Variants in SPATS2 observed in about 807,000 individuals in gnomAD.
SPATS2 encodes the protein spermatogenesis associated serine rich 2, also known as spermatogenesis-associated serine-rich protein 2.
Under a neutral mutation model 63.7 loss-of-function variants are expected in SPATS2, and 38 were observed. That is an observed-to-expected ratio of 0.60 (90% CI 0.46 to 0.78). SPATS2 has a LOEUF of 0.78. SPATS2 is among the 30% of genes least tolerant of loss of function. SPATS2 has a pLI of 0.00. For missense variants in SPATS2, 588 were observed against 666.2 expected (o/e 0.88, Z 1.29); for synonymous variants, 207 against 232.9 (o/e 0.89, Z 1.01).
chr12:49,467,625 C>G (rs571485661), intron 3 of SPATS2, among the ~76,000 whole-genome samples: 3 of 152,182 alleles, frequency 2.0e-5, no homozygotes, highest in Admixed American at 6.5e-5. Context: ...CTGTATCTGA[C>G]TATATATCAG....
intron 8 of SPATS2, 51 bp from the exon 9 acceptor site, chr12:49,500,019 C>T (rs899414062): frequency 7.6e-7 from 1 of 1,314,934 alleles, no homozygotes; most frequent in Non-Finnish European, 9.8e-7. Flanking sequence ...TTCAAGTTAC[C>T]TATATAATTA....
intron 9 of SPATS2, among the ~76,000 whole-genome samples, chr12:49,509,950 T>A (rs1044739486): frequency 2.6e-5 from 4 of 151,980 alleles, no homozygotes; most frequent in Non-Finnish European, 4.4e-5. Flanking sequence ...GGTTGGTTAG[T>A]GGAATTAGAA....
At chr12:49,468,763 C>T (rs920619395) in intron 3 of SPATS2, among the ~76,000 whole-genome samples, 2 of 152,150 alleles carry the variant, frequency 1.3e-5, no homozygotes, top group Non-Finnish European at 2.9e-5. Flanking sequence ...AGGTGTGAAC[C>T]GCCACACTGG....
At chr12:49,498,933 C>G (rs919814513) in intron 8 of SPATS2, among the ~76,000 whole-genome samples, 1 of 151,780 alleles carries the variant, frequency 6.6e-6, no homozygotes, top group African/African-American at 2.4e-5. Context: ...ATTACAGGTG[C>G]GTGCCACCAC....
In SPATS2 at chr12:49,522,750, G is replaced by T; in HGVS notation, c.1009-1G>T. On this transcript the variant is annotated splice_acceptor_variant, in intron 11 of 13. Transcript: ENST00000552918. LOFTEE classifies it high-confidence loss of function. ...GAGGCCTTTCTTTGTCCTTTCTCCA[G>T]CACTTTGTTAGTGAACGTAAATATG... 6.2e-7 allele frequency: 1 copy of T among 1,613,072 alleles called. No homozygotes were observed. Among genetic ancestry groups the T allele is most frequent in the East Asian group, 2.2e-5 (1 of 44,842 alleles).
At chr12:49,455,156 CCTT>C (rs1479525337) in intron 2 of SPATS2, among the ~76,000 whole-genome samples, 2 of 152,014 alleles carry the variant, frequency 1.3e-5, no homozygotes, top group African/African-American at 4.8e-5. Flanking sequence ...TATCTATTAT[CCTT>C]CTGGTCAGTT....
intron 9 of SPATS2, among the ~76,000 whole-genome samples, chr12:49,501,365 G>A (rs967565205): frequency 4.3e-4 from 66 of 152,216 alleles, no homozygotes; most frequent in African/African-American, 1.6e-3. Context: ...GAGCCAGAGA[G>A]GGCCAAACTC....
intron 2 of SPATS2, chr12:49,389,372 T>A (rs1358771110): frequency 1.9e-6 from 1 of 534,098 alleles, no homozygotes; most frequent in Non-Finnish European, 3.4e-6. Flanking sequence ...CTCCGTCTGG[T>A]TCAGCGTCTG....
chr12:49,518,215 G>A (rs1946881881), intron 10 of SPATS2, among the ~76,000 whole-genome samples: 2 of 152,198 alleles, frequency 1.3e-5, no homozygotes, highest in Non-Finnish European at 2.9e-5. Flanking sequence ...TGCTGGATGG[G>A]AAGGAATAGC....
At chr12:49,524,003 A>G (rs1176295680) in intron 12 of SPATS2, among the ~76,000 whole-genome samples, 3 of 152,174 alleles carry the variant, frequency 2.0e-5, no homozygotes, top group African/African-American at 7.2e-5. Context: ...TAAACTCATC[A>G]TTAATCCAGC....
chr12:49,413,375 T>C (rs1028446418), intron 2 of SPATS2, among the ~76,000 whole-genome samples: 1 of 152,052 alleles, frequency 6.6e-6, no homozygotes, highest in Non-Finnish European at 1.5e-5. Flanking sequence ...ACTGTAACTT[T>C]TTAATTTTAA....
At chr12:49,373,552 G>C (rs1433640466) in intron 2 of SPATS2, among the ~76,000 whole-genome samples, 3 of 152,098 alleles carry the variant, frequency 2.0e-5, no homozygotes. Flanking sequence ...AGCACTTTGA[G>C]AGTCCAAGGT....
intron 2 of SPATS2, among the ~76,000 whole-genome samples, chr12:49,448,258 C>T (rs1176231400): frequency 1.3e-5 from 2 of 151,302 alleles, no homozygotes; most frequent in African/African-American, 2.4e-5. Flanking sequence ...CTGCCTCAGC[C>T]TCCCGAGTAG....
chr12:49,516,187 ATATATATAT>A lies in SPATS2; in HGVS notation c.898+1575_898+1583del, dbSNP rs1565760890. ...AAAAAATATATATATATATATATAT[ATATATATAT>A]ATATATATATATAAATCAGGCATGG... On this transcript the variant is annotated intron_variant, in intron 10 of 13. Coordinates refer to ENST00000552918, the MANE Select transcript of SPATS2 (RefSeq NM_023071.4). Among the ~76,000 whole-genome samples the A allele has an allele frequency of 4.6e-4, 48 of 103,512 alleles. 5 individuals carry two copies. The highest frequency in any genetic ancestry group is 7.5e-4 in the African/African-American group (22 of 29,344). The allele number at this position is 103,512 out of a possible 152,430, so 67.9% of individuals were successfully genotyped here. A position where few individuals can be genotyped will look rare whatever the true frequency, so the allele number is the denominator to read the frequency against.
chr12:49,480,701 G>A (rs1946191833), intron 3 of SPATS2, among the ~76,000 whole-genome samples: 1 of 151,836 alleles, frequency 6.6e-6, no homozygotes, highest in Admixed American at 6.6e-5. Context: ...GAACCAACAT[G>A]TGGTTTTTAT....
chr12:49,372,185 C>T (rs1456057954), intron 2 of SPATS2, among the ~76,000 whole-genome samples: 2 of 152,110 alleles, frequency 1.3e-5, no homozygotes, highest in African/African-American at 4.8e-5. Flanking sequence ...GCTGAGACTA[C>T]AGGCATGCAC....
At chr12:49,469,582 T>C (rs749457135) in intron 3 of SPATS2, 2 of 275,872 alleles carry the variant, frequency 7.2e-6, no homozygotes, top group Non-Finnish European at 1.4e-5. Flanking sequence ...CAAAGTAAAA[T>C]AAAACTTTTC....
intron 2 of SPATS2, among the ~76,000 whole-genome samples, chr12:49,391,193 G>T (rs1944411821): frequency 6.6e-6 from 1 of 152,184 alleles, no homozygotes; most frequent in Admixed American, 6.5e-5. Flanking sequence ...TGTGGATTTA[G>T]AAGTATTTGT....
At chr12:49,413,781 TAAAC>T (rs56908467) in intron 2 of SPATS2, among the ~76,000 whole-genome samples, 21,925 of 151,936 alleles carry the variant, frequency 0.14, 2,059 homozygotes, top group African/African-American at 0.27. Context: ...ACCTGTGAAC[TAAAC>T]AGACAGGGCA....
Sources: gnomAD v4.1 joint callset for allele counts (sites outside exome capture counted in the v4.1 genomes callset) on GRCh38, gnomAD v4.1.1 for gene constraint, MANE v1.5 for transcripts, NCBI Gene and HGNC (gene_info 2026-07-23, HGNC 2026-07-21) for gene names.